CADM2: variants seen among roughly 807,000 people sequenced by gnomAD.
The protein encoded by CADM2 is cell adhesion molecule 2.
CADM2 carries 12 observed loss-of-function variants against 49.8 expected under a neutral mutation model. That is an observed-to-expected ratio of 0.24 (90% CI 0.15 to 0.39). CADM2 has a LOEUF of 0.39. CADM2 is among the 10% of genes least tolerant of loss of function. The probability of loss-of-function intolerance (pLI) is 1.00; values close to 1 mark genes in which losing one functional copy is unlikely to be tolerated. For synonymous variants in CADM2, 214 were observed against 175.4 expected, an observed-to-expected ratio of 1.22 and a Z score of -1.74; for missense variants, 378 against 492.3, an observed-to-expected ratio of 0.77 and a Z score of 2.20.
intron 1 of CADM2, among the ~76,000 whole-genome samples, chr3:85,079,087 G>A (rs1278649979): frequency 2.0e-5 from 3 of 151,452 alleles, no homozygotes; most frequent in African/African-American, 7.3e-5. Context: ...TAGATTTTTA[G>A]GTATAAATTA....
At chr3:85,750,963 A>G (rs992314518) in intron 2 of CADM2, among the ~76,000 whole-genome samples, 1 of 151,804 alleles carries the variant, frequency 6.6e-6, no homozygotes, top group African/African-American at 2.4e-5. Flanking sequence ...TAATATAGGC[A>G]TTAGATTTAG....
Position 86,073,088 on chromosome 3 carries a change from T to G in CADM2, c.*6305T>G, listed in dbSNP as rs1442966684. Reference sequence around the variant, plus strand: ...TGTGAATTTGTTGTTCAGCTTTTCATTCAAACAAAAAATATTCCCTCAAGA... The same window carrying G: ...TGTGAATTTGTTGTTCAGCTTTTCAGTCAAACAAAAAATATTCCCTCAAGA... On this transcript the variant is annotated 3_prime_UTR_variant, in exon 10 of 10. Transcript: ENST00000383699. 6.6e-6 allele frequency: 1 copy of G among 152,044 alleles called. No individual in the cohort carries two copies. The highest frequency in any genetic ancestry group is 1.9e-4 in the East Asian group (1 of 5,200). 9.4% of individuals were successfully genotyped at this position (152,044 alleles called of 1,614,324 possible).
At chr3:85,021,048 C>T (rs866952739) in intron 1 of CADM2, among the ~76,000 whole-genome samples, 7 of 128,570 alleles carry the variant, frequency 5.4e-5, no homozygotes, top group South Asian at 2.6e-4. Flanking sequence ...GCCTGGGAGG[C>T]GGGGGTTGCA....
At chr3:85,793,876 T>G (rs1342906425) in intron 2 of CADM2, among the ~76,000 whole-genome samples, 1 of 152,186 alleles carries the variant, frequency 6.6e-6, no homozygotes, top group Non-Finnish European at 1.5e-5. Context: ...TGATGCAAGA[T>G]TTATTGGACA....
At chr3:85,973,283 T>C (rs1726374976) in intron 8 of CADM2, among the ~76,000 whole-genome samples, 1 of 151,610 alleles carries the variant, frequency 6.6e-6, no homozygotes, top group African/African-American at 2.4e-5. Context: ...AGAAAGATCG[T>C]TTGAGTTTAG....
At chr3:85,069,630 T>C (rs924061468) in intron 1 of CADM2, among the ~76,000 whole-genome samples, 1 of 152,138 alleles carries the variant, frequency 6.6e-6, no homozygotes, top group Admixed American at 6.5e-5. Flanking sequence ...TACTTTTAGT[T>C]GTCATCAATA....
intron 1 of CADM2, among the ~76,000 whole-genome samples, chr3:85,693,820 C>A (rs1377055574): frequency 6.8e-6 from 1 of 147,086 alleles, no homozygotes; most frequent in African/African-American, 2.5e-5. Flanking sequence ...CACTTGAACC[C>A]GGGAGGCAGA....
chr3:85,489,704 AG>A (rs1473739846), intron 1 of CADM2, among the ~76,000 whole-genome samples: 3 of 150,216 alleles, frequency 2.0e-5, no homozygotes, highest in Non-Finnish European at 3.0e-5. Context: ...AACAAAAAAA[AG>A]AACTTTGAAT....
At chr3:85,241,968 C>A (rs1398687523) in intron 1 of CADM2, among the ~76,000 whole-genome samples, 1 of 151,272 alleles carries the variant, frequency 6.6e-6, no homozygotes, top group African/African-American at 2.4e-5. Flanking sequence ...GGTGATCCAG[C>A]TGATATTAAT....
intron 1 of CADM2, among the ~76,000 whole-genome samples, chr3:85,098,346 G>GA (rs935318653): frequency 4.0e-5 from 6 of 149,786 alleles, no homozygotes; most frequent in East Asian, 2.0e-4. Context: ...ATGTAAGAGG[G>GA]AAAAAAAAAT....
chr3:85,940,867 A>ATTTAAATTTATTTTTAAATTGAT (rs1721803855), intron 7 of CADM2, among the ~76,000 whole-genome samples: 1 of 151,960 alleles, frequency 6.6e-6, no homozygotes, highest in African/African-American at 2.4e-5. Flanking sequence ...TTATTTTTAG[A>ATTTAAATTTATTTTTAAATTGAT]GCAGTTTTAG....
intron 3 of CADM2, among the ~76,000 whole-genome samples, chr3:85,803,073 T>A (rs1237056481): frequency 6.6e-6 from 1 of 152,148 alleles, no homozygotes; most frequent in Non-Finnish European, 1.5e-5. Flanking sequence ...AATTAAAATA[T>A]CACATACAGT....
At chr3:84,984,034 T>G (rs1258498251) in intron 1 of CADM2, among the ~76,000 whole-genome samples, 2 of 107,666 alleles carry the variant, frequency 1.9e-5, no homozygotes, top group Non-Finnish European at 3.9e-5. Context: ...TTCATTGTGA[T>G]ATATATATAT....
At chr3:86,061,545 A>G (rs929855751) in intron 8 of CADM2, among the ~76,000 whole-genome samples, 11 of 152,176 alleles carry the variant, frequency 7.2e-5, no homozygotes, top group Non-Finnish European at 1.6e-4. Context: ...ATATAATAAC[A>G]AAAGGGTTAG....
rs115937679 is a variant in CADM2, at chr3:85,185,269, C to T, written c.61+225601C>T. On this transcript the variant is annotated intron_variant, in intron 1 of 9. Transcript: ENST00000383699. ...ATCATCTATATATTGATCCAAATAA[C>T]GAATATTTATTTCAAGATTGGCATC... Among the ~76,000 whole-genome samples, 472 of 151,120 alleles carry T rather than the reference C, an allele frequency of 3.1e-3. 1 individual carries two copies. The highest frequency in any genetic ancestry group is 9.9e-3 in the African/African-American group (408 of 41,162).
At chr3:85,389,549 T>C (rs2034417667) in intron 1 of CADM2, among the ~76,000 whole-genome samples, 1 of 152,104 alleles carries the variant, frequency 6.6e-6, no homozygotes, top group Non-Finnish European at 1.5e-5. Flanking sequence ...ATATATACCA[T>C]ATAATGTGTA....
chr3:85,738,930 G>T (rs2107818508), intron 2 of CADM2, among the ~76,000 whole-genome samples: 1 of 152,162 alleles, frequency 6.6e-6, no homozygotes, highest in African/African-American at 2.4e-5. Flanking sequence ...CTAGTCAAAA[G>T]TAGTTGTAAT....
intron 1 of CADM2, among the ~76,000 whole-genome samples, chr3:85,400,679 A>C (rs2035060869): frequency 6.6e-6 from 1 of 150,696 alleles, no homozygotes; most frequent in Non-Finnish European, 1.5e-5. Context: ...TATTCTTGGG[A>C]GGGTGTATGT....
At chr3:85,325,276 T>C (rs2044719593) in intron 1 of CADM2, among the ~76,000 whole-genome samples, 1 of 152,246 alleles carries the variant, frequency 6.6e-6, no homozygotes, top group African/African-American at 2.4e-5. Flanking sequence ...CTTGATAGTG[T>C]CAAACATTAC....
Sources: allele counts gnomAD v4.1 joint callset (sites outside exome capture counted in the v4.1 genomes callset), GRCh38; gene constraint gnomAD v4.1.1; transcripts MANE v1.5; gene names NCBI Gene and HGNC (gene_info 2026-07-23, HGNC 2026-07-21).